The following PCDHGA2 variants were observed in gnomAD, a reference collection of about 807,000 sequenced individuals.
The protein encoded by PCDHGA2 is protocadherin gamma-A2.
A neutral mutation model predicts 59.2 loss-of-function variants in PCDHGA2; 40 were observed. The ratio of observed to expected loss-of-function variants is 0.68; its 90% CI spans 0.52 to 0.88. The LOEUF is 0.88. Ranked by LOEUF, PCDHGA2 falls within the 40% of genes least tolerant of loss-of-function variation. The probability of loss-of-function intolerance (pLI) is 0.00; values close to 1 mark genes in which losing one functional copy is unlikely to be tolerated. For synonymous variants in PCDHGA2, 560 were observed against 526.0 expected (o/e 1.06, Z -0.89); for missense variants, 1,226 against 1,204.0 (o/e 1.02, Z -0.27).
intron 1 of PCDHGA2, chr5:141,420,092 G>A: frequency 1.2e-6 from 2 of 1,614,020 alleles, no homozygotes; most frequent in Non-Finnish European, 1.7e-6. Flanking sequence ...CAACTACAGT[G>A]AGGGAACGTT....
chr5:141,417,783 C>T, intron 1 of PCDHGA2: 1 of 1,474,286 alleles, frequency 6.8e-7, no homozygotes, highest in Non-Finnish European at 9.0e-7. Flanking sequence ...TGTCCTGGGC[C>T]GAATGCTCTT....
In PCDHGA2 at chr5:141,477,157, CA is replaced by C. The variant is rs1240879989; in HGVS notation, c.2425-17648del. 2.5e-6 allele frequency: 4 copies of C among 1,614,064 alleles called. No homozygotes were observed. Among genetic ancestry groups the C allele is most frequent in the Non-Finnish European group, 3.4e-6 (4 of 1,180,046 alleles). ...TGGTGGAGGTTGTGGATGTGAATGACAACGCCCCGGAGATCACAGTCACCTC... is the reference window on the plus strand; with the variant it reads ...TGGTGGAGGTTGTGGATGTGAATGACACGCCCCGGAGATCACAGTCACCTC... On this transcript the variant is annotated intron_variant, in intron 1 of 3. Coordinates refer to ENST00000394576, the MANE Select transcript of PCDHGA2 (RefSeq NM_018915.4). This position sits in a 1 kb window ranked among gnomAD's most constrained non-coding sequence, Gnocchi z 4.9.
intron 1 of PCDHGA2, chr5:141,399,217 TTGATCAAAATACA>T (rs2093771382): frequency 6.2e-7 from 1 of 1,613,854 alleles, no homozygotes; most frequent in African/African-American, 1.3e-5. Context: ...ACTAATTGCT[TTGATCAAAATACA>T]TGACCAAGAT....
At chr5:141,417,001 A>G (rs1590037654) in intron 1 of PCDHGA2, 1 of 150,924 alleles carries the variant, frequency 6.6e-6, no homozygotes, top group African/African-American at 2.5e-5. Context: ...TTCATCTCAA[A>G]TAATTCTATT....
At chr5:141,405,267 A>G (rs1384687423) in intron 1 of PCDHGA2, 1 of 1,614,154 alleles carries the variant, frequency 6.2e-7, no homozygotes, top group South Asian at 1.1e-5. Context: ...ATCTTCCCCC[A>G]GCCCAACTAT....
chr5:141,408,743 A>G (rs764671808), intron 1 of PCDHGA2: 13 of 1,610,030 alleles, frequency 8.1e-6, no homozygotes, highest in African/African-American at 2.7e-5. Flanking sequence ...TTTTTCATTA[A>G]TGGTTAGAGT....
chr5:141,503,471 C>A (rs2099820129), intron 2 of PCDHGA2, among the ~76,000 whole-genome samples: 1 of 151,836 alleles, frequency 6.6e-6, no homozygotes, highest in African/African-American at 2.4e-5. Context: ...GGCATGTGTG[C>A]ACTTGTCGTC....
chr5:141,428,091 T>A lies in PCDHGA2; in HGVS notation c.2425-66716T>A, dbSNP rs769710543. 1.1e-5 allele frequency: 17 copies of A among 1,609,000 alleles called. No homozygotes were observed. In the African/African-American group the frequency reaches 1.5e-4, roughly 14 times the overall value. On this transcript the variant is annotated intron_variant, in intron 1 of 3. Transcript: ENST00000394576. ...AGATTCGGGACACAACGCTTGGCTGTCCTACCACGTGCTGCAGGCCATCGA... is the reference window on the plus strand; with the variant it reads ...AGATTCGGGACACAACGCTTGGCTGACCTACCACGTGCTGCAGGCCATCGA...
chr5:141,493,679 G>C lies in PCDHGA2; in HGVS notation c.2425-1128G>C. On this transcript the variant is annotated intron_variant, in intron 1 of 3. Transcript: ENST00000394576. This position sits in a 1 kb window ranked among gnomAD's most constrained non-coding sequence, Gnocchi z 4.3. ...CCTTCTCCATGGCAGCCCCAGAATG[G>C]TGCTGGTGACTCCCGATACACCTGG... Among the ~76,000 whole-genome samples the C allele has an allele frequency of 6.6e-6, 1 of 152,198 alleles. No individual in the cohort carries two copies. Among genetic ancestry groups the C allele is most frequent in the African/African-American group, 2.4e-5 (1 of 41,446 alleles).
chr5:141,375,444 A>C, intron 1 of PCDHGA2: 4 of 1,613,844 alleles, frequency 2.5e-6, no homozygotes, highest in Non-Finnish European at 3.4e-6. Context: ...ACCTTCCCCC[A>C]TTCATCCTAC....
At chr5:141,384,179 G>A (rs1252177053) in intron 1 of PCDHGA2, 1 of 1,613,830 alleles carries the variant, frequency 6.2e-7, no homozygotes, top group Middle Eastern at 1.6e-4. Flanking sequence ...GCCACAGATG[G>A]TGGAACTCCT....
intron 1 of PCDHGA2, among the ~76,000 whole-genome samples, chr5:141,436,243 TA>T (rs1428637183): frequency 6.6e-6 from 1 of 152,154 alleles, no homozygotes; most frequent in Non-Finnish European, 1.5e-5. Context: ...TAACATGGTC[TA>T]ATTATTCTGA....
rs1165142153 is a variant in PCDHGA2 at position 141,402,786 on chromosome 5, G to A, written c.2424+61391G>A. On this transcript the variant is annotated intron_variant, in intron 1 of 3. Transcript: ENST00000394576. ...ACTCCATCCGGATTTCCAGTTCTGC[G>A]GCTACACAAAACCCGGCAGATACCA... 3.3e-6 allele frequency: 3 copies of A among 907,574 alleles called. No homozygotes were observed. The African/African-American group carries it at 5.0e-5, about 15-fold the overall frequency. 56.2% of individuals were successfully genotyped at this position (907,574 alleles called of 1,614,324 possible).
intron 1 of PCDHGA2, chr5:141,374,803 A>C (rs371815306): frequency 4.3e-6 from 7 of 1,613,866 alleles, no homozygotes; most frequent in African/African-American, 4.0e-5. Flanking sequence ...ACAACACTCC[A>C]ATGTTTACTC....
chr5:141,434,650 C>A (rs931043426), intron 1 of PCDHGA2, among the ~76,000 whole-genome samples: 6 of 152,092 alleles, frequency 3.9e-5, no homozygotes, highest in Non-Finnish European at 5.9e-5. Context: ...TTTAGTTAAT[C>A]TAATATCTAT....
chr5:141,383,787 G>T, intron 1 of PCDHGA2: 1 of 1,613,950 alleles, frequency 6.2e-7, no homozygotes, highest in East Asian at 2.2e-5. Context: ...ATCTGAACTC[G>T]CTTACAGGAG....
chr5:141,364,676 AT>A, intron 1 of PCDHGA2: 2 of 1,614,002 alleles, frequency 1.2e-6, no homozygotes, highest in South Asian at 2.2e-5. Context: ...CAAAATGAAA[AT>A]TTATGGAGTA....
chr5:141,482,041 T>C (rs1443886481), intron 1 of PCDHGA2, among the ~76,000 whole-genome samples: 2 of 150,190 alleles, frequency 1.3e-5, no homozygotes, highest in Non-Finnish European at 2.9e-5. Context: ...GCCAAGATCA[T>C]GCTGTTGCAT....
At position 141,490,381 on chromosome 5, in the gene PCDHGA2, A is replaced by T. The variant is rs770046796; in HGVS notation, c.2425-4426A>T. 1 of 1,614,240 alleles carries T rather than the reference A, an allele frequency of 6.2e-7. No homozygotes were observed. The highest frequency in any genetic ancestry group is 1.1e-5 in the South Asian group (1 of 91,090). On this transcript the variant is annotated intron_variant, in intron 1 of 3. Coordinates refer to ENST00000394576, the MANE Select transcript of PCDHGA2 (RefSeq NM_018915.4). This position sits in a 1 kb window ranked among gnomAD's most constrained non-coding sequence, Gnocchi z 5.4. ...TAATGTGCGAGACCGGGACTCAGGT[A>T]GAAATGGTGAAGTGAGCCTTGATAT...
Sources: gnomAD v4.1 joint callset for allele counts (sites outside exome capture counted in the v4.1 genomes callset) on GRCh38, gnomAD v4.1.1 for gene constraint, Gnocchi (gnomAD v3.1) non-coding constraint, MANE v1.5 for transcripts, NCBI Gene and HGNC (gene_info 2026-07-23, HGNC 2026-07-21) for gene names.